Variants in CCDC171 observed in about 807,000 individuals in gnomAD.
The protein encoded by CCDC171 is coiled-coil domain containing 171.
In CCDC171, 177 loss-of-function variants were observed where a neutral mutation model predicts 168.2. That is an observed-to-expected ratio of 1.05 (90% CI 0.93 to 1.19). The LOEUF (loss-of-function observed/expected upper bound fraction) is 1.19, where lower values mean the gene tolerates loss of function less well. CCDC171 is among the 50% of genes most tolerant of loss of function. CCDC171 has a pLI of 0.00. For missense variants in CCDC171, 1,991 were observed against 1,539.0 expected (o/e 1.29, Z -4.91); for synonymous variants, 687 against 540.8 (o/e 1.27, Z -3.75).
At chr9:16,049,617 G>A (rs542027695) in intron 1 of CCDC171, among the ~76,000 whole-genome samples, 3 of 152,254 alleles carry the variant, frequency 2.0e-5, no homozygotes, top group East Asian at 3.9e-4. Context: ...GGGTCCTGAG[G>A]CTTTTGACCT....
At chr9:15,823,630 G>A (rs1165485891) in intron 21 of CCDC171, among the ~76,000 whole-genome samples, 2 of 152,096 alleles carry the variant, frequency 1.3e-5, no homozygotes, top group East Asian at 3.9e-4. Context: ...CAATACGCAT[G>A]AGGACGCTGC....
chr9:15,996,657 T>C (rs1425647529), intron 3 of CCDC171, among the ~76,000 whole-genome samples: 1 of 152,108 alleles, frequency 6.6e-6, no homozygotes, highest in Non-Finnish European at 1.5e-5. Context: ...TGTATAACAA[T>C]GTTTAGTATA....
intron 18 of CCDC171, among the ~76,000 whole-genome samples, chr9:15,748,376 G>A (rs1418510494): frequency 6.6e-6 from 1 of 152,164 alleles, no homozygotes; most frequent in Non-Finnish European, 1.5e-5. Context: ...CGAGGAGAGT[G>A]GAACCAAGTT....
At chr9:15,840,709 T>G (rs1484581231) in intron 21 of CCDC171, among the ~76,000 whole-genome samples, 3 of 152,148 alleles carry the variant, frequency 2.0e-5, no homozygotes, top group Non-Finnish European at 4.4e-5. Flanking sequence ...CTACCACTTT[T>G]CTATTTTGTA....
chr9:15,623,913 T>C (rs2044801386), intron 7 of CCDC171, among the ~76,000 whole-genome samples: 1 of 152,244 alleles, frequency 6.6e-6, no homozygotes, highest in South Asian at 2.1e-4. Context: ...TCGTGAATGA[T>C]ACTGAAAATA....
At chr9:15,664,584 A>ACACACACACACACACACT (rs2048583417) in intron 8 of CCDC171, among the ~76,000 whole-genome samples, 1 of 151,602 alleles carries the variant, frequency 6.6e-6, no homozygotes, top group Non-Finnish European at 1.5e-5. Flanking sequence ...ACACACACAC[A>ACACACACACACACACACT]CACACTCACA....
At position 15,920,384 on chromosome 9, in the gene CCDC171, C is replaced by T; in HGVS notation, c.3715C>T (p.His1239Tyr). ...SHIAALKSEL[H>Y]TACLRENASL... The stretch of plus-strand genomic sequence containing the variant: ...CATTGCAGCCTTGAAATCAGAACTT[C>T]ACACAGCTTGTTTACGTGAAAATGC... Residue 1239 changes from histidine to tyrosine, a missense_variant, in exon 25 of 26, where the codon CAC (histidine) becomes TAC (tyrosine). By Grantham distance (83) the His-to-Tyr change is moderately conservative. Coordinates refer to ENST00000380701, the MANE Select transcript of CCDC171 (RefSeq NM_173550.4). The T allele has an allele frequency of 6.2e-7, 1 of 1,608,886 alleles. No individual in the cohort carries two copies. The highest frequency in any genetic ancestry group is 8.5e-7 in the Non-Finnish European group (1 of 1,176,684).
chr9:16,010,744 T>C (rs1832846084), intron 3 of CCDC171, among the ~76,000 whole-genome samples: 1 of 35,876 alleles, frequency 2.8e-5, no homozygotes, highest in South Asian at 4.7e-4. Flanking sequence ...AGGTCAACAG[T>C]TTATTAAAAA....
chr9:15,864,151 C>CT lies in CCDC171; in HGVS notation c.3469-10374dup, dbSNP rs144818823. On this transcript the variant is annotated intron_variant, in intron 23 of 25. Transcript: ENST00000380701. The stretch of plus-strand genomic sequence containing the variant: ...AGTTCTGAAAAAAGCTAATTCTGAC[C>CT]TTTTTTTGCCAGTTTATTTGCTAGT... Among the ~76,000 whole-genome samples, 1,354 of 151,918 alleles carry CT rather than the reference C, an allele frequency of 8.9e-3. 17 individuals are homozygous for CT. Among genetic ancestry groups the CT allele is most frequent in the African/African-American group, 0.031 (1,280 of 41,456 alleles).
At chr9:15,766,133 A>G (rs1346070317) in intron 18 of CCDC171, among the ~76,000 whole-genome samples, 3 of 152,284 alleles carry the variant, frequency 2.0e-5, no homozygotes, top group Non-Finnish European at 4.4e-5. Flanking sequence ...ACACAAACCC[A>G]TTACATGCAC....
At chr9:15,882,565 A>T (rs1818792921) in intron 24 of CCDC171, among the ~76,000 whole-genome samples, 1 of 152,128 alleles carries the variant, frequency 6.6e-6, no homozygotes, top group South Asian at 2.1e-4. Flanking sequence ...ACTTATTTTA[A>T]GGGCTTGTTG....
chr9:15,875,828 A>G (rs1433138829), intron 24 of CCDC171: 1 of 152,020 alleles, frequency 6.6e-6, no homozygotes, highest in African/African-American at 2.4e-5. Flanking sequence ...AAATATATAT[A>G]ATTATAAAAG....
At chr9:15,721,625 A>T (rs931682696) in intron 11 of CCDC171, 144 bp from the exon 12 acceptor site, 1 of 281,438 alleles carries the variant, frequency 3.6e-6, no homozygotes, top group Non-Finnish European at 6.8e-6. Flanking sequence ...TTTATTCTCC[A>T]AGTATACTGC....
chr9:15,835,757 A>C (rs1413796020), intron 21 of CCDC171, among the ~76,000 whole-genome samples: 2 of 152,154 alleles, frequency 1.3e-5, no homozygotes, highest in South Asian at 2.1e-4. Context: ...CATAAAGTTT[A>C]TACATATTAT....
In CCDC171 at chr9:15,990,965, A is replaced by G. The variant is rs555906770; in HGVS notation, n.369-29624A>G. ...CCTACAAAGAGACTTAGACTCCCAC[A>G]CAATAATAATGGGAGACTTTAACAC... On this transcript the variant is annotated intron_variant and non_coding_transcript_variant, in intron 3 of 9. Coordinates refer to the CCDC171 transcript ENST00000486641. 6.6e-5 allele frequency among the ~76,000 whole-genome samples: 10 copies of G among 152,320 alleles called. No homozygotes were observed. In the South Asian group the frequency reaches 1.7e-3, roughly 25 times the overall value.
chr9:15,905,682 G>C (rs1228642249), intron 24 of CCDC171, among the ~76,000 whole-genome samples: 7 of 151,950 alleles, frequency 4.6e-5, no homozygotes, highest in African/African-American at 9.7e-5. Flanking sequence ...CAGAGCAGAA[G>C]TGAAGGAGAT....
intron 25 of CCDC171, among the ~76,000 whole-genome samples, chr9:15,952,691 G>C (rs3008672): frequency 0.52 from 79,650 of 151,930 alleles, 22,351 homozygotes; most frequent in African/African-American, 0.74. Flanking sequence ...GCCACCGCGC[G>C]CGGCCAGATT....
intron 21 of CCDC171, among the ~76,000 whole-genome samples, chr9:15,834,456 A>G (rs1479074484): frequency 6.6e-6 from 1 of 152,230 alleles, no homozygotes; most frequent in Non-Finnish European, 1.5e-5. Context: ...TTGGAAGTTT[A>G]GTAATATTGC....
In CCDC171 at chr9:15,804,288, A is replaced by T. The variant is rs116287118; in HGVS notation, c.3267+19594A>T. ...CTATGTTGAATAGGAGTGGTGAGAG[A>T]AGGCAACCTTGTCTTCTGTTGGTTT... On this transcript the variant is annotated intron_variant, in intron 21 of 25. Transcript: ENST00000380701. Among the ~76,000 whole-genome samples the T allele has an allele frequency of 7.0e-3, 1,065 of 152,182 alleles. 7 individuals carry two copies. Among genetic ancestry groups the T allele is most frequent in the African/African-American group, 0.024 (1,012 of 41,532 alleles).
Sources: gnomAD v4.1 joint callset for allele counts (sites outside exome capture counted in the v4.1 genomes callset) on GRCh38, gnomAD v4.1.1 for gene constraint, MANE v1.5 for transcripts, NCBI Gene and HGNC (gene_info 2026-07-23, HGNC 2026-07-21) for gene names.